The following UBASH3B variants were observed in gnomAD, a reference collection of about 807,000 sequenced individuals.
UBASH3B encodes ubiquitin-associated and SH3 domain-containing protein B.
A neutral mutation model predicts 83.4 loss-of-function variants in UBASH3B; 37 were observed. The observed-to-expected ratio is 0.44, with a 90% CI of 0.34 to 0.58. UBASH3B has a LOEUF of 0.58. Ranked by LOEUF, UBASH3B falls within the 20% of genes least tolerant of loss-of-function variation. The probability of loss-of-function intolerance (pLI) is 0.01; values close to 1 mark genes in which losing one functional copy is unlikely to be tolerated. For missense variants in UBASH3B, 657 were observed against 827.2 expected (o/e 0.79, Z 2.52); for synonymous variants, 304 against 318.3 (o/e 0.96, Z 0.48).
chr11:122,747,856 T>G (rs1045001736), intron 1 of UBASH3B, among the ~76,000 whole-genome samples: 1 of 152,180 alleles, frequency 6.6e-6, no homozygotes, highest in Non-Finnish European at 1.5e-5. Context: ...ATCCATATAT[T>G]CCCTTGAGTG....
intron 1 of UBASH3B, among the ~76,000 whole-genome samples, chr11:122,693,843 C>T (rs1008993441): frequency 1.3e-5 from 2 of 152,050 alleles, no homozygotes; most frequent in Non-Finnish European, 2.9e-5. Flanking sequence ...TGCACTCCAG[C>T]CTGGGTGACA....
At chr11:122,768,997 C>A (rs1860599216) in intron 1 of UBASH3B, among the ~76,000 whole-genome samples, 1 of 152,142 alleles carries the variant, frequency 6.6e-6, no homozygotes, top group Admixed American at 6.5e-5. Flanking sequence ...TCTAACAATA[C>A]CAGCTTCATA....
intron 1 of UBASH3B, among the ~76,000 whole-genome samples, chr11:122,656,543 G>A (rs996923038): frequency 3.9e-5 from 6 of 152,192 alleles, no homozygotes; most frequent in African/African-American, 1.4e-4. Context: ...CGCTCCCCTA[G>A]GTCTCCAGCG....
intron 5 of UBASH3B, among the ~76,000 whole-genome samples, chr11:122,787,334 A>G (rs1429041707): frequency 6.6e-6 from 1 of 152,148 alleles, no homozygotes; most frequent in Non-Finnish European, 1.5e-5. Context: ...GTATGAGGCA[A>G]AGGGACAGGA....
intron 1 of UBASH3B, among the ~76,000 whole-genome samples, chr11:122,714,787 G>A (rs1482286509): frequency 6.6e-6 from 1 of 152,192 alleles, no homozygotes; most frequent in Non-Finnish European, 1.5e-5. Flanking sequence ...GAACAGAGGT[G>A]TCTGGCAAGC....
At chr11:122,805,284 C>G (rs1012784623) in intron 11 of UBASH3B, among the ~76,000 whole-genome samples, 3 of 152,162 alleles carry the variant, frequency 2.0e-5, no homozygotes, top group Admixed American at 1.3e-4. Context: ...AATCCCAGCA[C>G]TTTGGGAGGC....
chr11:122,780,326 G>A (rs544559654), intron 4 of UBASH3B, among the ~76,000 whole-genome samples: 17 of 152,290 alleles, frequency 1.1e-4, no homozygotes, highest in African/African-American at 3.8e-4. Flanking sequence ...TCCTGTCAAA[G>A]GAATTAGCTT....
At chr11:122,809,245 T>C (rs1861396613) in intron 13 of UBASH3B, among the ~76,000 whole-genome samples, 1 of 152,120 alleles carries the variant, frequency 6.6e-6, no homozygotes, top group Non-Finnish European at 1.5e-5. Flanking sequence ...CAGCTAATTT[T>C]TTGTATTTTT....
intron 5 of UBASH3B, among the ~76,000 whole-genome samples, chr11:122,788,552 A>T (rs1291065046): frequency 6.6e-6 from 1 of 152,120 alleles, no homozygotes. Context: ...CTGGGCAACA[A>T]GAGTGAAACT....
intron 1 of UBASH3B, among the ~76,000 whole-genome samples, chr11:122,666,004 A>T (rs1863510910): frequency 6.6e-6 from 1 of 152,178 alleles, no homozygotes; most frequent in African/African-American, 2.4e-5. Context: ...TGTGGCAGTG[A>T]ACTCCACCAG....
At position 122,806,142 on chromosome 11, in the gene UBASH3B, T is replaced by C. The variant is rs181565409; in HGVS notation, c.1596-268T>C. 1.1e-3 allele frequency among the ~76,000 whole-genome samples: 165 copies of C among 152,340 alleles called. No individual in the cohort carries two copies. Among genetic ancestry groups the C allele is most frequent in the African/African-American group, 3.7e-3 (154 of 41,584 alleles). Reference sequence around the variant, plus strand: ...CCATCCATCAATGGCTTATTTGTTATCCCGAGAGTGAAACATGCACTGAAT... The same window carrying C: ...CCATCCATCAATGGCTTATTTGTTACCCCGAGAGTGAAACATGCACTGAAT... On this transcript the variant is annotated intron_variant, in intron 11 of 13. Coordinates refer to ENST00000284273, the MANE Select transcript of UBASH3B (RefSeq NM_032873.5). The surrounding 1 kb of genome is among the most constrained non-coding windows in gnomAD (Gnocchi z 4.0).
Position 122,808,077 on chromosome 11 carries a change from C to G in UBASH3B, c.1713C>G (p.Ile571Met). 6.2e-7 allele frequency: 1 copy of G among 1,614,048 alleles called. No homozygotes were observed. Among genetic ancestry groups the G allele is most frequent in the Non-Finnish European group, 8.5e-7 (1 of 1,179,904 alleles). Residue 571 changes from isoleucine (I) to methionine (M), a missense_variant, in exon 13 of 14, where the codon ATC becomes ATG. Physicochemically the swap from Ile to Met is conservative, Grantham distance 10 (BLOSUM62 1). Around this residue, in one of 3 missense-constraint regions of UBASH3B, gnomAD observed 573 missense variants for 739.0 expected, o/e 0.78. Coordinates refer to ENST00000284273, the MANE Select transcript of UBASH3B (RefSeq NM_032873.5). ...ISECKSKGNN[I>M]LIVAHASSLE... is the part of the protein sequence containing the mutation. ...GCCATTTTCCCCCAGGAAATAACAT[C>G]CTGATTGTGGCCCACGCATCTTCCC...
At chr11:122,728,400 G>A (rs1162377033) in intron 1 of UBASH3B, among the ~76,000 whole-genome samples, 1 of 152,188 alleles carries the variant, frequency 6.6e-6, no homozygotes, top group African/African-American at 2.4e-5. Flanking sequence ...AGCAGGTCGG[G>A]GGATTGGGAA....
chr11:122,713,463 C>G (rs1864227092), intron 1 of UBASH3B, among the ~76,000 whole-genome samples: 1 of 152,022 alleles, frequency 6.6e-6, no homozygotes. Flanking sequence ...TGCAAAAGGC[C>G]TTGGAAGGAA....
chr11:122,743,865 A>G (rs1861067393), intron 1 of UBASH3B, among the ~76,000 whole-genome samples: 1 of 152,202 alleles, frequency 6.6e-6, no homozygotes, highest in African/African-American at 2.4e-5. Context: ...AGGGCCCCAT[A>G]TTGGCAGGCA....
intron 1 of UBASH3B, among the ~76,000 whole-genome samples, chr11:122,670,097 C>T (rs373037868): frequency 3.3e-5 from 5 of 152,228 alleles, no homozygotes. Context: ...GTGGGGTTGG[C>T]TGTCTAGTGA....
rs1002955307 is a variant in UBASH3B at position 122,812,514 on chromosome 11, T to A, written c.*2628T>A. 1.3e-5 allele frequency: 2 copies of A among 152,110 alleles called. No individual in the cohort carries two copies. The highest frequency in any genetic ancestry group is 4.8e-5 in the African/African-American group (2 of 41,388). The allele number at this position is 152,110 out of a possible 1,614,324, so 9.4% of individuals were successfully genotyped here. On this transcript the variant is annotated 3_prime_UTR_variant, in exon 14 of 14. Coordinates refer to ENST00000284273, the MANE Select transcript of UBASH3B (RefSeq NM_032873.5). Reference sequence around the variant, plus strand: ...AGCTGATGCTTATTAAAACAAATGATGTATGGGGAGAGGAGAAGGAAGGGC... The same window carrying A: ...AGCTGATGCTTATTAAAACAAATGAAGTATGGGGAGAGGAGAAGGAAGGGC...
chr11:122,686,229 A>C (rs1863806849), intron 1 of UBASH3B, among the ~76,000 whole-genome samples: 1 of 152,266 alleles, frequency 6.6e-6, no homozygotes, highest in Non-Finnish European at 1.5e-5. Context: ...TCTGCCAGAC[A>C]AAGTCTAAGT....
chr11:122,789,789 C>T (rs1861019637), intron 6 of UBASH3B, among the ~76,000 whole-genome samples: 2 of 152,174 alleles, frequency 1.3e-5, no homozygotes, highest in Non-Finnish European at 1.5e-5. Context: ...TCCCCAGACA[C>T]AGCCTATGCA....
Sources: gnomAD v4.1 joint callset for allele counts (sites outside exome capture counted in the v4.1 genomes callset) on GRCh38, gnomAD v4.1.1 for gene constraint, gnomAD v4.1.1 regional missense constraint, Gnocchi (gnomAD v3.1) non-coding constraint, MANE v1.5 for transcripts, NCBI Gene and HGNC (gene_info 2026-07-23, HGNC 2026-07-21) for gene names.